Variants in FGGY observed in about 807,000 individuals in gnomAD.
FGGY encodes the protein FGGY carbohydrate kinase domain-containing protein.
A neutral mutation model predicts 71.3 loss-of-function variants in FGGY; 72 were observed. The ratio of observed to expected loss-of-function variants is 1.01; its 90% confidence interval spans 0.84 to 1.23. The LOEUF (loss-of-function observed/expected upper bound fraction) is 1.23, where lower values mean the gene tolerates loss of function less well. FGGY is among the 50% of genes most tolerant of loss of function. The pLI, the probability that FGGY is intolerant of heterozygous loss-of-function variation, is 0.00. For missense variants in FGGY, 668 were observed against 682.3 expected, an observed-to-expected ratio of 0.98 and a Z score of 0.23; for synonymous variants, 251 against 250.3, an observed-to-expected ratio of 1.00 and a Z score of -0.02.
intron 8 of FGGY, among the ~76,000 whole-genome samples, chr1:59,576,474 G>A (rs1558406465): frequency 6.6e-6 from 1 of 152,016 alleles, no homozygotes; most frequent in Non-Finnish European, 1.5e-5. Flanking sequence ...CCTAGATGAC[G>A]GGTTGATAGG....
At chr1:59,531,574 A>C (rs2095144769) in intron 7 of FGGY, among the ~76,000 whole-genome samples, 1 of 152,214 alleles carries the variant, frequency 6.6e-6, no homozygotes, top group African/African-American at 2.4e-5. Flanking sequence ...TTATACGCTG[A>C]GCATTTACTG....
intron 14 of FGGY, among the ~76,000 whole-genome samples, chr1:59,703,456 C>T (rs1032705772): frequency 2.0e-5 from 3 of 152,162 alleles, no homozygotes; most frequent in Non-Finnish European, 4.4e-5. Context: ...TAGTAAATGG[C>T]AAAGTTGGAA....
At chr1:59,556,282 C>T (rs2095685240) in intron 8 of FGGY, among the ~76,000 whole-genome samples, 1 of 152,258 alleles carries the variant, frequency 6.6e-6, no homozygotes, top group East Asian at 1.9e-4. Context: ...CATTTTTACC[C>T]CACTCAATTC....
intron 14 of FGGY, among the ~76,000 whole-genome samples, chr1:59,701,016 T>C (rs1318883147): frequency 2.0e-5 from 3 of 152,180 alleles, no homozygotes; most frequent in Non-Finnish European, 4.4e-5. Context: ...CTCTTTCCTT[T>C]CTCTGCTGCC....
Position 59,530,267 on chromosome 1 carries a change from GC to G in FGGY, c.799+17829del, listed in dbSNP as rs1470027854. 2.0e-5 allele frequency among the ~76,000 whole-genome samples: 3 copies of G among 152,130 alleles called. No homozygotes were observed. The East Asian group carries it at 5.8e-4, about 29-fold the overall frequency. On this transcript the variant is annotated intron_variant, in intron 7 of 15. Coordinates refer to ENST00000303721, the MANE Select transcript of FGGY (RefSeq NM_018291.5). ...TATTCTCCGGCTGTCACCCAGCACT[GC>G]TAACTTAGAATTATAGATAAAATAT...
chr1:59,507,576 G>A (rs548780501), intron 6 of FGGY, among the ~76,000 whole-genome samples: 1 of 151,814 alleles, frequency 6.6e-6, no homozygotes, highest in East Asian at 1.9e-4. Context: ...GAGTGCAGTG[G>A]CGCAATCTCG....
intron 7 of FGGY, among the ~76,000 whole-genome samples, chr1:59,550,330 G>C (rs1408367947): frequency 6.6e-6 from 1 of 151,960 alleles, no homozygotes; most frequent in Non-Finnish European, 1.5e-5. Context: ...GCTTTTCCCT[G>C]CTTATCTCTG....
chr1:59,542,416 T>TCAAGC (rs1474864579), intron 7 of FGGY, among the ~76,000 whole-genome samples: 80 of 149,958 alleles, frequency 5.3e-4, no homozygotes, highest in African/African-American at 1.9e-3. Context: ...CACTGTTCTT[T>TCAAGC]CAAGCCAAGA....
chr1:59,564,544 G>A (rs930556794), intron 8 of FGGY, among the ~76,000 whole-genome samples: 8 of 152,232 alleles, frequency 5.3e-5, no homozygotes, highest in African/African-American at 1.9e-4. Flanking sequence ...TTGTTTGTTA[G>A]AGGAGCAGAG....
At chr1:59,372,954 C>T (rs1406841435) in intron 4 of FGGY, among the ~76,000 whole-genome samples, 1 of 152,080 alleles carries the variant, frequency 6.6e-6, no homozygotes, top group East Asian at 1.9e-4. Flanking sequence ...GCTAATATCA[C>T]ACTGAATGGG....
intron 6 of FGGY, among the ~76,000 whole-genome samples, chr1:59,488,348 A>G (rs2093717549): frequency 6.6e-6 from 1 of 151,902 alleles, no homozygotes; most frequent in Non-Finnish European, 1.5e-5. Flanking sequence ...ACTCTTTAAA[A>G]TAGATTTTTA....
chr1:59,321,875 T>G, intron 2 of FGGY, 125 bp downstream of exon 2: 5 of 875,294 alleles, frequency 5.7e-6, no homozygotes, highest in Non-Finnish European at 7.0e-6. Context: ...ACATAGGCCT[T>G]GCCCTTCAGG....
chr1:59,618,596 C>G (rs1370786590), intron 9 of FGGY, among the ~76,000 whole-genome samples: 1 of 151,976 alleles, frequency 6.6e-6, no homozygotes, highest in Non-Finnish European at 1.5e-5. Context: ...AGTTGGCAGG[C>G]TTTGTAAGGC....
At chr1:59,682,249 A>G (rs919990348) in intron 14 of FGGY, among the ~76,000 whole-genome samples, 1 of 152,244 alleles carries the variant, frequency 6.6e-6, no homozygotes, top group Non-Finnish European at 1.5e-5. Context: ...AAGACTGTTC[A>G]GCTCAGCCAC....
intron 4 of FGGY, among the ~76,000 whole-genome samples, chr1:59,373,747 A>G (rs576848277): frequency 7.8e-4 from 118 of 151,722 alleles, no homozygotes; most frequent in Middle Eastern, 6.8e-3. Context: ...CTCAGAAATA[A>G]CGCCGCATAT....
At chr1:59,513,107 C>G (rs1185964804) in intron 7 of FGGY, among the ~76,000 whole-genome samples, 1 of 152,172 alleles carries the variant, frequency 6.6e-6, no homozygotes, top group Non-Finnish European at 1.5e-5. Flanking sequence ...GTGTTTTTTG[C>G]AGGGGAAGTT....
At chr1:59,430,564 G>A (rs2067166893) in intron 5 of FGGY, among the ~76,000 whole-genome samples, 2 of 151,888 alleles carry the variant, frequency 1.3e-5, no homozygotes, top group South Asian at 2.1e-4. Context: ...TTCTCATAAG[G>A]GCCCATTTTC....
At chr1:59,344,266 A>G (rs183884682) in intron 3 of FGGY, among the ~76,000 whole-genome samples, 1 of 149,758 alleles carries the variant, frequency 6.7e-6, no homozygotes, top group East Asian at 1.9e-4. Flanking sequence ...TATGCCCATG[A>G]CCTTATTTAG....
chr1:59,363,398 A>G (rs1047288343), intron 4 of FGGY, among the ~76,000 whole-genome samples: 2 of 152,234 alleles, frequency 1.3e-5, no homozygotes, highest in Non-Finnish European at 2.9e-5. Context: ...ACTATGTGCC[A>G]GGTGCTGTAA....
Sources: allele counts gnomAD v4.1 joint callset (sites outside exome capture counted in the v4.1 genomes callset), GRCh38; gene constraint gnomAD v4.1.1; transcripts MANE v1.5; gene names NCBI Gene and HGNC (gene_info 2026-07-23, HGNC 2026-07-21).